MSI2: variants seen among roughly 807,000 people sequenced by gnomAD.
MSI2 encodes musashi RNA binding protein 2.
Under a neutral mutation model 45.6 loss-of-function variants are expected in MSI2, and 17 were observed. That is an observed-to-expected ratio of 0.37 (90% CI 0.26 to 0.56). The LOEUF (loss-of-function observed/expected upper bound fraction) is 0.56, where lower values mean the gene tolerates loss of function less well. MSI2 is among the 20% of genes least tolerant of loss of function. The pLI is 0.77. For synonymous variants in MSI2, 156 were observed against 158.2 expected (o/e 0.99, Z 0.11); for missense variants, 293 against 444.2 (o/e 0.66, Z 3.06).
At chr17:57,687,007 C>A (rs191479164), downstream of MSI2, among the ~76,000 whole-genome samples, 906 of 145,840 alleles carry the variant, frequency 6.2e-3, 7 homozygotes, top group South Asian at 0.029. Context: ...GGCCAGCAGC[C>A]CCCCCCCCAA....
chr17:57,429,861 C>A (rs2084563008), intron 6 of MSI2, among the ~76,000 whole-genome samples: 3 of 152,200 alleles, frequency 2.0e-5, no homozygotes, highest in African/African-American at 7.2e-5. Flanking sequence ...AGTTGTCACA[C>A]TGGTGATGAA....
At chr17:57,434,284 G>T (rs1024577143) in intron 6 of MSI2, among the ~76,000 whole-genome samples, 2 of 152,146 alleles carry the variant, frequency 1.3e-5, no homozygotes, top group African/African-American at 4.8e-5. Flanking sequence ...TATTTTGGTA[G>T]AGACAGGGTT....
intron 5 of MSI2, chr17:57,263,345 A>G (rs925999228): frequency 6.6e-5 from 10 of 152,132 alleles, no homozygotes; most frequent in African/African-American, 2.4e-4. Context: ...ACAATGAAAT[A>G]TTTTCTTCAG....
In MSI2 at chr17:57,550,095, C is replaced by T. The variant is rs544315343; in HGVS notation, c.454+20371C>T. Among the ~76,000 whole-genome samples, 11 of 152,310 alleles carry T rather than the reference C, an allele frequency of 7.2e-5. No individual in the cohort carries two copies. In the South Asian group the frequency reaches 1.9e-3, roughly 26 times the overall value. ...TCCCCGCCTTAGTTGTCAGTGAATG[C>T]GGTCTTTTCTGAGCTAATTAGAAAT... On this transcript the variant is annotated intron_variant, in intron 7 of 13. Transcript: ENST00000284073.
chr17:57,504,342 A>G (rs1219327315), intron 6 of MSI2, among the ~76,000 whole-genome samples: 1 of 152,182 alleles, frequency 6.6e-6, no homozygotes, highest in Non-Finnish European at 1.5e-5. Flanking sequence ...TGTGGAACAC[A>G]GACAAAGTCA....
At chr17:57,270,406 A>G (rs1195340353) in intron 5 of MSI2, among the ~76,000 whole-genome samples, 1 of 152,186 alleles carries the variant, frequency 6.6e-6, no homozygotes, top group Non-Finnish European at 1.5e-5. Context: ...CCTCTCTGCT[A>G]AGCCTTGCTG....
At chr17:57,640,384 T>C (rs6503825) in intron 10 of MSI2, among the ~76,000 whole-genome samples, 77,398 of 152,116 alleles carry the variant, frequency 0.51, 21,017 homozygotes, top group African/African-American at 0.67. Context: ...CCTTTGGATG[T>C]GAAATGCCAT....
Position 57,616,269 on chromosome 17 carries a change from G to A in MSI2, c.652+185G>A, listed in dbSNP as rs1598455486. 12 of 568,908 alleles carry A rather than the reference G, an allele frequency of 2.1e-5. 1 individual carries two copies. The South Asian group carries it at 2.2e-4, about 10-fold the overall frequency. 35.2% of individuals were successfully genotyped at this position (568,908 alleles called of 1,614,324 possible). ...TTGTGATGATTAAGTGTGGGTGTGTGTGTGTGCATGCATGTGTGTGTGTGT... is the reference window on the plus strand; with the variant it reads ...TTGTGATGATTAAGTGTGGGTGTGTATGTGTGCATGCATGTGTGTGTGTGT... On this transcript the variant is annotated intron_variant, in intron 9 of 13. Coordinates refer to ENST00000284073, the MANE Select transcript of MSI2 (RefSeq NM_138962.4).
chr17:57,526,291 A>G (rs2086693836), intron 6 of MSI2, among the ~76,000 whole-genome samples: 2 of 151,582 alleles, frequency 1.3e-5, no homozygotes, highest in Non-Finnish European at 2.9e-5. Context: ...CTCTCCTAGC[A>G]TCTTGAATGA....
chr17:57,551,465 G>A (rs116964407), intron 7 of MSI2, among the ~76,000 whole-genome samples: 7 of 152,130 alleles, frequency 4.6e-5, no homozygotes, highest in Admixed American at 4.6e-4. Flanking sequence ...ACAGACCGCC[G>A]TCTGGGATGA....
chr17:57,293,595 GT>G (rs71139983), intron 5 of MSI2, among the ~76,000 whole-genome samples: 12 of 134,714 alleles, frequency 8.9e-5, no homozygotes, highest in African/African-American at 1.8e-4. Flanking sequence ...TTGTTTTTTT[GT>G]TTTTTTTTTT....
At chr17:57,455,915 A>G (rs1027907218) in intron 6 of MSI2, among the ~76,000 whole-genome samples, 1 of 151,942 alleles carries the variant, frequency 6.6e-6, no homozygotes, top group African/African-American at 2.4e-5. Context: ...TTAGGCACAG[A>G]CTCTTTGGAC....
At position 57,407,340 on chromosome 17, in the gene MSI2, T is replaced by C. The variant is rs2084103291; in HGVS notation, c.405+5869T>C. ...CACTCAGACACCCCTTTTGATACTG[T>C]ATGTGTGAGGAGAGTCATACCTGGA... is the stretch of plus-strand genomic sequence containing the variant. On this transcript the variant is annotated intron_variant, in intron 6 of 13. Coordinates refer to ENST00000284073, the MANE Select transcript of MSI2 (RefSeq NM_138962.4). The surrounding 1 kb of genome is among the most constrained non-coding windows in gnomAD (Gnocchi z 4.1). Among the ~76,000 whole-genome samples the C allele has an allele frequency of 6.6e-6, 1 of 151,968 alleles. No homozygotes were observed. Among genetic ancestry groups the C allele is most frequent in the Non-Finnish European group, 1.5e-5 (1 of 67,998 alleles).
chr17:57,301,306 G>C (rs746126601), intron 5 of MSI2, among the ~76,000 whole-genome samples: 7 of 152,320 alleles, frequency 4.6e-5, no homozygotes, highest in South Asian at 2.1e-4. Flanking sequence ...GGTTTCTTTA[G>C]AGCGGATGCA....
intron 6 of MSI2, chr17:57,522,911 G>A (rs1754359770): frequency 6.6e-6 from 1 of 152,214 alleles, no homozygotes; most frequent in South Asian, 2.1e-4. Flanking sequence ...CACCTACTAT[G>A]TATTTGGGGA....
chr17:57,299,219 C>G (rs2143525634), intron 5 of MSI2, among the ~76,000 whole-genome samples: 1 of 152,332 alleles, frequency 6.6e-6, no homozygotes, highest in Non-Finnish European at 1.5e-5. Context: ...ATAATTAAAA[C>G]TTTCTCCGTA....
At chr17:57,370,394 T>C (rs2083403225) in intron 5 of MSI2, among the ~76,000 whole-genome samples, 1 of 152,222 alleles carries the variant, frequency 6.6e-6, no homozygotes, top group East Asian at 1.9e-4. Context: ...TTTTGCAATA[T>C]CACAGAGTCC....
chr17:57,623,053 A>G (rs952914971), intron 9 of MSI2, among the ~76,000 whole-genome samples: 4 of 152,220 alleles, frequency 2.6e-5, no homozygotes, highest in African/African-American at 9.6e-5. Context: ...TTTGAATTAA[A>G]TTTAAATTGG....
intron 5 of MSI2, among the ~76,000 whole-genome samples, chr17:57,382,046 C>T (rs2083606512): frequency 6.6e-6 from 1 of 152,174 alleles, no homozygotes; most frequent in Non-Finnish European, 1.5e-5. Context: ...AAATGAAATG[C>T]TACTCTTCAG....
Sources: gnomAD v4.1 joint callset for allele counts (sites outside exome capture counted in the v4.1 genomes callset) on GRCh38, gnomAD v4.1.1 for gene constraint, Gnocchi (gnomAD v3.1) non-coding constraint, MANE v1.5 for transcripts, NCBI Gene and HGNC (gene_info 2026-07-23, HGNC 2026-07-21) for gene names.